The following PPM1L variants were observed in gnomAD, a reference collection of about 807,000 sequenced individuals.
PPM1L encodes protein phosphatase, Mg2+/Mn2+ dependent 1L, also known as protein phosphatase 1L.
PPM1L carries 13 observed loss-of-function variants against 31.4 expected under a neutral mutation model. The observed-to-expected ratio is 0.41, with a 90% confidence interval of 0.27 to 0.66. The LOEUF is 0.66. Among genes scored for constraint, PPM1L ranks in the 30% least tolerant of loss-of-function variants. The pLI is 0.29. For missense variants in PPM1L, 326 were observed against 453.7 expected (o/e 0.72, Z 2.56); for synonymous variants, 184 against 175.4 (o/e 1.05, Z -0.39).
intron 2 of PPM1L, among the ~76,000 whole-genome samples, chr3:160,963,055 C>G (rs1334501243): frequency 6.6e-6 from 1 of 151,538 alleles, no homozygotes. Context: ...CATTGGAATT[C>G]TTATTCATCT....
intron 1 of PPM1L, among the ~76,000 whole-genome samples, chr3:160,767,049 A>G (rs1233775421): frequency 1.3e-5 from 2 of 152,108 alleles, no homozygotes; most frequent in African/African-American, 4.8e-5. Flanking sequence ...CTGCTCCCCA[A>G]GCTAGGCATC....
rs1261769775 is a variant in PPM1L at position 161,076,440 on chromosome 3, A to G, written c.*7283A>G. The G allele has an allele frequency of 6.6e-6, 1 of 152,222 alleles. No individual in the cohort carries two copies. The highest frequency in any genetic ancestry group is 6.5e-5 in the Admixed American group (1 of 15,274). 9.4% of individuals were successfully genotyped at this position (152,222 alleles called of 1,614,324 possible). Reference sequence around the variant, plus strand: ...ATCTCAAGCATATACAGTGTGCAGAAAGTAGAATAATGAATAAAATATGAC... The same window carrying G: ...ATCTCAAGCATATACAGTGTGCAGAGAGTAGAATAATGAATAAAATATGAC... On this transcript the variant is annotated 3_prime_UTR_variant, in exon 4 of 4. Transcript: ENST00000498165.
chr3:160,925,125 A>G (rs1291275741), intron 1 of PPM1L, among the ~76,000 whole-genome samples: 8 of 152,252 alleles, frequency 5.3e-5, no homozygotes, highest in Admixed American at 5.2e-4. Flanking sequence ...CAGCTTCTAG[A>G]ATTATAAATA....
chr3:160,861,502 T>C (rs1337354228), intron 1 of PPM1L, among the ~76,000 whole-genome samples: 1 of 152,208 alleles, frequency 6.6e-6, no homozygotes, highest in East Asian at 1.9e-4. Context: ...TGAATTTTTA[T>C]GCCAAACAGT....
At chr3:160,903,164 A>AGTGT (rs60731351) in intron 1 of PPM1L, among the ~76,000 whole-genome samples, 4,687 of 106,532 alleles carry the variant, frequency 0.044, 118 homozygotes, top group East Asian at 0.11. Context: ...TAGAAGCAAT[A>AGTGT]GTGTGTGTGT....
At chr3:160,981,958 G>C (rs1014115276) in intron 2 of PPM1L, among the ~76,000 whole-genome samples, 5 of 151,942 alleles carry the variant, frequency 3.3e-5, no homozygotes, top group Non-Finnish European at 5.9e-5. Context: ...TAGAGACGGG[G>C]TTTCACCACG....
At chr3:161,059,786 T>C (rs1719517490) in intron 2 of PPM1L, among the ~76,000 whole-genome samples, 1 of 152,078 alleles carries the variant, frequency 6.6e-6, no homozygotes, top group African/African-American at 2.4e-5. Context: ...GCTGTTCTTG[T>C]GATAGTGAGT....
chr3:160,810,659 AGCTACTAGCATTT>A (rs1345695889), intron 1 of PPM1L, among the ~76,000 whole-genome samples: 4 of 152,250 alleles, frequency 2.6e-5, no homozygotes, highest in Non-Finnish European at 5.9e-5. Flanking sequence ...CAGGGCACAT[AGCTACTAGCATTT>A]GCTTACGGAT....
At chr3:160,855,121 G>T (rs1166190602) in intron 1 of PPM1L, among the ~76,000 whole-genome samples, 7 of 152,072 alleles carry the variant, frequency 4.6e-5, no homozygotes, top group Non-Finnish European at 1.5e-5. Context: ...ACAAGCAATG[G>T]AGAAAGGACT....
At chr3:160,851,297 T>C (rs911851535) in intron 1 of PPM1L, among the ~76,000 whole-genome samples, 1 of 152,222 alleles carries the variant, frequency 6.6e-6, no homozygotes, top group Non-Finnish European at 1.5e-5. Flanking sequence ...TTTTTGATTG[T>C]CTATCACCTA....
At chr3:160,905,893 A>C (rs1162756602) in intron 1 of PPM1L, among the ~76,000 whole-genome samples, 1 of 151,930 alleles carries the variant, frequency 6.6e-6, no homozygotes, top group African/African-American at 2.4e-5. Context: ...TTTTTATTTG[A>C]ATGCTTTACA....
At chr3:160,870,667 A>G (rs770920657) in intron 1 of PPM1L, 1 of 152,236 alleles carries the variant, frequency 6.6e-6, no homozygotes, top group East Asian at 1.9e-4. Context: ...CTTTAAAGCC[A>G]GGGAATCAAA....
intron 1 of PPM1L, among the ~76,000 whole-genome samples, chr3:160,906,088 G>T (rs1713745913): frequency 6.6e-6 from 1 of 151,310 alleles, no homozygotes; most frequent in African/African-American, 2.4e-5. Flanking sequence ...ATTTTTTTAG[G>T]AAAGACCATG....
intron 1 of PPM1L, among the ~76,000 whole-genome samples, chr3:160,843,858 A>G (rs1713987434): frequency 1.3e-5 from 2 of 152,154 alleles, no homozygotes; most frequent in African/African-American, 4.8e-5. Context: ...ACTATTCACA[A>G]TAGCAAAGAC....
intron 1 of PPM1L, among the ~76,000 whole-genome samples, chr3:160,760,087 T>C (rs1326833384): frequency 6.6e-6 from 1 of 152,198 alleles, no homozygotes; most frequent in Non-Finnish European, 1.5e-5. Context: ...AAGATGTATG[T>C]AGTGCAGGGA....
chr3:160,825,710 T>G (rs140449667), intron 1 of PPM1L, among the ~76,000 whole-genome samples: 141 of 152,288 alleles, frequency 9.3e-4, no homozygotes, highest in African/African-American at 3.3e-3. Flanking sequence ...ACTTTACCGT[T>G]AAAACAGTGT....
At chr3:161,048,641 T>C (rs762987794) in intron 2 of PPM1L, among the ~76,000 whole-genome samples, 11 of 152,138 alleles carry the variant, frequency 7.2e-5, no homozygotes, top group Non-Finnish European at 1.3e-4. Context: ...GTATGTTTAT[T>C]GCGGCATTAT....
chr3:160,874,101 C>T (rs1166071054), intron 1 of PPM1L, among the ~76,000 whole-genome samples: 3 of 152,198 alleles, frequency 2.0e-5, no homozygotes, highest in East Asian at 1.9e-4. Flanking sequence ...TTGTGGGAGG[C>T]GGGGTTCCTT....
chr3:160,771,865 TTTG>T (rs1715264984), intron 1 of PPM1L, among the ~76,000 whole-genome samples: 1 of 151,876 alleles, frequency 6.6e-6, no homozygotes, highest in South Asian at 2.1e-4. Context: ...ATATTTGCTG[TTTG>T]TTTTTTTTTT....
Sources: gnomAD v4.1 joint callset for allele counts (sites outside exome capture counted in the v4.1 genomes callset) on GRCh38, gnomAD v4.1.1 for gene constraint, MANE v1.5 for transcripts, NCBI Gene and HGNC (gene_info 2026-07-23, HGNC 2026-07-21) for gene names.